PCDHGB2: variants seen among roughly 807,000 people sequenced by gnomAD.
The protein encoded by PCDHGB2 is protocadherin gamma subfamily B, 2.
In PCDHGB2, 55 loss-of-function variants were observed where a neutral mutation model predicts 59.3. That is an observed-to-expected ratio of 0.93 (90% CI 0.75 to 1.16). The LOEUF (loss-of-function observed/expected upper bound fraction) is 1.16, where lower values mean the gene tolerates loss of function less well. PCDHGB2 is among the 50% of genes most tolerant of loss of function. PCDHGB2 has a pLI of 0.00. For synonymous variants in PCDHGB2, 516 were observed against 512.0 expected (o/e 1.01, Z -0.11); for missense variants, 1,228 against 1,198.5 (o/e 1.02, Z -0.36).
chr5:141,473,048 A>T (rs1295750830), intron 1 of PCDHGB2, among the ~76,000 whole-genome samples: 4 of 151,992 alleles, frequency 2.6e-5, no homozygotes, highest in Non-Finnish European at 5.9e-5. Flanking sequence ...GAAAGAAAGA[A>T]GTGATACAAC....
In PCDHGB2 at chr5:141,491,623, G is replaced by C; in HGVS notation, c.2422-3184G>C. On this transcript the variant is annotated intron_variant, in intron 1 of 3. Coordinates refer to ENST00000522605, the MANE Select transcript of PCDHGB2 (RefSeq NM_018923.3). The surrounding 1 kb of genome is among the most constrained non-coding windows in gnomAD (Gnocchi z 6.9). ...CTTCACTTTTCTAAGACCCCTCAGC[G>C]TTCAGCAGCCCACAGCTCTGGCGCT... 1 of 1,613,930 alleles carries C rather than the reference G, an allele frequency of 6.2e-7. No individual in the cohort carries two copies. Among genetic ancestry groups the C allele is most frequent in the Non-Finnish European group, 8.5e-7 (1 of 1,180,020 alleles).
intron 1 of PCDHGB2, 97 bp from the exon 2 acceptor site, chr5:141,494,710 C>G: frequency 6.2e-7 from 1 of 1,600,966 alleles, no homozygotes; most frequent in Admixed American, 1.7e-5. Context: ...TCTCTGTGCC[C>G]ACTCCCCTCC....
intron 1 of PCDHGB2, among the ~76,000 whole-genome samples, chr5:141,381,815 T>A (rs1721316177): frequency 7.0e-6 from 1 of 142,092 alleles, no homozygotes; most frequent in South Asian, 2.2e-4. Flanking sequence ...TTTCTTTCTT[T>A]CTTTCTTCTT....
chr5:141,413,441 T>C (rs760538286), intron 1 of PCDHGB2: 1 of 1,614,056 alleles, frequency 6.2e-7, no homozygotes, highest in Non-Finnish European at 8.5e-7. Flanking sequence ...GGCAGCTTGA[T>C]CACCGCGGGC....
At chr5:141,478,850 A>T in intron 1 of PCDHGB2, 1 of 1,376,726 alleles carries the variant, frequency 7.3e-7, no homozygotes, top group South Asian at 1.5e-5. Context: ...AAGCTAAAAC[A>T]CAAGATCTCA....
chr5:141,365,219 A>C (rs569659080), intron 1 of PCDHGB2: 3 of 1,613,844 alleles, frequency 1.9e-6, no homozygotes, highest in African/African-American at 2.7e-5. Context: ...ACTTGATTCC[A>C]ACCTGGGGGA....
chr5:141,414,271 C>T (rs1561747971), intron 1 of PCDHGB2: 3 of 1,613,292 alleles, frequency 1.9e-6, no homozygotes, highest in East Asian at 2.2e-5. Context: ...AGATTCACCT[C>T]TGGGAACAGT....
At chr5:141,376,514 T>C in intron 1 of PCDHGB2, 1 of 1,613,998 alleles carries the variant, frequency 6.2e-7, no homozygotes, top group Non-Finnish European at 8.5e-7. Context: ...TCAGGTGAGT[T>C]TCTTTCCGCC....
rs1374845034 is a variant in PCDHGB2, at chr5:141,361,337, A to G, written c.1202A>G (p.Tyr401Cys). 1.9e-6 allele frequency: 3 copies of G among 1,613,878 alleles called. No individual in the cohort carries two copies. The highest frequency in any genetic ancestry group is 1.1e-5 in the South Asian group (1 of 91,094). The change falls in exon 1 of 4, where the codon TAT becomes TGT. Residue 401 changes from tyrosine to cysteine, a missense_variant. Physicochemically the swap from Tyr to Cys is radical, Grantham distance 194. Around this residue, in one of 3 missense-constraint regions of PCDHGB2, gnomAD observed 781 missense variants for 721.6 expected, o/e 1.08. Transcript: ENST00000522605. The part of the protein sequence containing the change: ...KFILKSSSKN[Y>C]YKLVTDGALD... ...ATTTTGAAATCTTCCTCAAAGAACT[A>G]TTACAAACTAGTGACAGACGGCGCT...
At chr5:141,419,265 C>T in intron 1 of PCDHGB2, 1 of 1,614,040 alleles carries the variant, frequency 6.2e-7, no homozygotes, top group Non-Finnish European at 8.5e-7. Flanking sequence ...CAGCCGGGTG[C>T]CTCCATAGCG....
At chr5:141,405,556 C>G in intron 1 of PCDHGB2, 1 of 619,826 alleles carries the variant, frequency 1.6e-6, no homozygotes, top group African/African-American at 1.8e-5. Flanking sequence ...AGTAGAGTAG[C>G]TGGGACTAGA....
At chr5:141,404,387 C>G in intron 1 of PCDHGB2, 3 of 1,613,874 alleles carry the variant, frequency 1.9e-6, no homozygotes, top group Non-Finnish European at 2.5e-6. Context: ...TGCCTATGAC[C>G]CTGATAGCAA....
intron 2 of PCDHGB2, among the ~76,000 whole-genome samples, chr5:141,501,290 TACACACACACACACACACACACAC>T (rs55762287): frequency 7.3e-6 from 1 of 136,162 alleles, no homozygotes; most frequent in African/African-American, 2.7e-5. Flanking sequence ...TATTCCCTTA[TACACACACACACACACACACACAC>T]ACACACACAC....
At chr5:141,414,699 C>T (rs2095778847) in intron 1 of PCDHGB2, 2 of 1,613,952 alleles carry the variant, frequency 1.2e-6, no homozygotes, top group Non-Finnish European at 1.7e-6. Context: ...TGTCCTCATA[C>T]ATATCCATCA....
intron 1 of PCDHGB2, among the ~76,000 whole-genome samples, chr5:141,459,324 T>G (rs2098966238): frequency 6.6e-6 from 1 of 152,226 alleles, no homozygotes; most frequent in African/African-American, 2.4e-5. Flanking sequence ...ATCCATCTTC[T>G]TTTACTCCAA....
intron 1 of PCDHGB2, among the ~76,000 whole-genome samples, chr5:141,430,247 G>T (rs1003479541): frequency 9.7e-6 from 1 of 102,928 alleles, no homozygotes; most frequent in Non-Finnish European, 1.8e-5. Flanking sequence ...AACTCCTAGG[G>T]AGACATCTCC....
At chr5:141,418,811 A>C in intron 1 of PCDHGB2, 1 of 1,613,916 alleles carries the variant, frequency 6.2e-7, no homozygotes. Context: ...ATATACGATA[A>C]ACATAGAAGC....
intron 1 of PCDHGB2, chr5:141,404,600 C>G (rs1406207982): frequency 6.2e-7 from 1 of 1,613,938 alleles, no homozygotes; most frequent in Non-Finnish European, 8.5e-7. Flanking sequence ...GTCATTGAGA[C>G]TGTTTGTTTT....
chr5:141,500,345 A>G (rs1459262760), intron 2 of PCDHGB2, among the ~76,000 whole-genome samples: 3 of 151,916 alleles, frequency 2.0e-5, no homozygotes, highest in Non-Finnish European at 4.4e-5. Context: ...AATAGCTGGG[A>G]CTACAGGCGC....
Sources: allele counts gnomAD v4.1 joint callset (sites outside exome capture counted in the v4.1 genomes callset), GRCh38; gene constraint gnomAD v4.1.1; regional missense constraint gnomAD v4.1.1; non-coding constraint Gnocchi (gnomAD v3.1); transcripts MANE v1.5; gene names NCBI Gene and HGNC (gene_info 2026-07-23, HGNC 2026-07-21).